The following MYOM3 variants were observed in gnomAD, a reference collection of about 807,000 sequenced individuals.
MYOM3 encodes the protein myomesin 3, also known as myomesin-3.
MYOM3 carries 155 observed loss-of-function variants against 191.7 expected under a neutral mutation model. The ratio of observed to expected loss-of-function variants is 0.81; its 90% confidence interval spans 0.71 to 0.92. The LOEUF is 0.92. Among genes scored for constraint, MYOM3 ranks in the 40% least tolerant of loss-of-function variants. The probability of loss-of-function intolerance (pLI) is 0.00; values close to 1 mark genes in which losing one functional copy is unlikely to be tolerated. For synonymous variants in MYOM3, 757 were observed against 762.9 expected (o/e 0.99, Z 0.13); for missense variants, 1,889 against 1,890.6 (o/e 1.00, Z 0.02).
chr1:24,109,966 G>A (rs1644025214), intron 1 of MYOM3, among the ~76,000 whole-genome samples: 1 of 152,234 alleles, frequency 6.6e-6, no homozygotes, highest in African/African-American at 2.4e-5. Flanking sequence ...CAGTGGGGCC[G>A]GATCAGATTG....
intron 29 of MYOM3, 183 bp from the exon 30 acceptor site, chr1:24,064,342 A>G (rs1643409773): frequency 1.8e-6 from 1 of 555,448 alleles, no homozygotes. Flanking sequence ...GGCTCCTTTC[A>G]GCTCCAGAGC....
At position 24,089,668 on chromosome 1, in the gene MYOM3, G is replaced by C. The variant is rs201671365; in HGVS notation, c.1487-3C>G. The C allele has an allele frequency of 1.9e-6, 3 of 1,577,232 alleles. No individual in the cohort carries two copies. The African/African-American group carries it at 4.0e-5, about 21-fold the overall frequency. On this transcript the variant is annotated splice_region_variant and splice_polypyrimidine_tract_variant and intron_variant, in intron 13 of 36. Coordinates refer to ENST00000374434, the MANE Select transcript of MYOM3 (RefSeq NM_152372.4). Reference sequence around the variant, plus strand: ...CGGTGAGGGGATGGTCACAGTATCTGAAATCAGAGTCACCCGGGACCGAGA... The same window carrying C: ...CGGTGAGGGGATGGTCACAGTATCTCAAATCAGAGTCACCCGGGACCGAGA...
At chr1:24,090,456 C>T (rs537627811) in intron 12 of MYOM3, among the ~76,000 whole-genome samples, 7 of 152,310 alleles carry the variant, frequency 4.6e-5, no homozygotes, top group Non-Finnish European at 7.4e-5. Context: ...GAGGCCGTGT[C>T]CCCGCACTCG....
intron 5 of MYOM3, among the ~76,000 whole-genome samples, chr1:24,103,379 C>T (rs1443467035): frequency 6.6e-6 from 1 of 152,224 alleles, no homozygotes; most frequent in African/African-American, 2.4e-5. Context: ...AGCCCTGAGG[C>T]CAGCTCCCTC....
chr1:24,107,707 C>T (rs1477572445), intron 3 of MYOM3, among the ~76,000 whole-genome samples: 1 of 152,160 alleles, frequency 6.6e-6, no homozygotes, highest in South Asian at 2.1e-4. Flanking sequence ...CATTCTTAGC[C>T]CCCTCCCCCA....
intron 14 of MYOM3, 84 bp downstream of exon 14, chr1:24,089,454 G>A: frequency 2.8e-6 from 4 of 1,450,660 alleles, no homozygotes; most frequent in Non-Finnish European, 2.7e-6. Flanking sequence ...TTCTCTGACG[G>A]CCTCCCCAGG....
intron 35 of MYOM3, among the ~76,000 whole-genome samples, 186 bp from the exon 36 acceptor site, chr1:24,059,165 G>A (rs1046600270): frequency 1.3e-5 from 2 of 151,242 alleles, no homozygotes; most frequent in East Asian, 1.9e-4. Context: ...ACAGGGTCTC[G>A]CTCTGTTGCC....
In MYOM3 at chr1:24,056,055, T is replaced by C. The variant is rs1035761075; in HGVS notation, c.*1309A>G. 8 of 152,226 alleles carry C rather than the reference T, an allele frequency of 5.3e-5. No homozygotes were observed. The East Asian group carries it at 5.8e-4, about 11-fold the overall frequency. The allele number at this position is 152,226 out of a possible 1,614,324, so 9.4% of individuals were successfully genotyped here. A position where few individuals can be genotyped will look rare whatever the true frequency, so the allele number is the denominator to read the frequency against. ...GTGTTACTTTGTGGTGTTGGGAGTA[T>C]AGATTATGTTTATTTTCTCTATAAT... is the stretch of plus-strand genomic sequence containing the variant. On this transcript the variant is annotated 3_prime_UTR_variant, in exon 37 of 37. Coordinates refer to ENST00000374434, the MANE Select transcript of MYOM3 (RefSeq NM_152372.4).
At chr1:24,075,557 G>C in intron 21 of MYOM3, 82 bp from the exon 22 acceptor site, 1 of 1,403,240 alleles carries the variant, frequency 7.1e-7, no homozygotes. Context: ...TAAACCTCCA[G>C]GGCCTGCCTG....
intron 11 of MYOM3, 116 bp from the exon 12 acceptor site, chr1:24,091,112 A>G (rs895407447): frequency 9.1e-6 from 11 of 1,204,346 alleles, no homozygotes; most frequent in African/African-American, 7.7e-5. Flanking sequence ...ATCTCTGCCA[A>G]TTAAAGTTCT....
chr1:24,092,277 G>C lies in MYOM3; in HGVS notation c.1129C>G (p.Leu377Val). Residue 377 changes from leucine to valine, a missense_variant, in exon 11 of 37, where the codon CTG becomes GTG. Transcript: ENST00000374434. ...TTCACATCCAGGCATCGGACGTTCA[G>C]TGGGGAGCCTGGGGCCCCGGGGTTC... ...AENPGAPGSP[L>V]NVRCLDVNRD... is the part of the protein sequence containing the mutation. The C allele has an allele frequency of 7.2e-7, 1 of 1,386,892 alleles. No homozygotes were observed. The highest frequency in any genetic ancestry group is 9.4e-7 in the Non-Finnish European group (1 of 1,060,304). The allele number at this position is 1,386,892 out of a possible 1,614,324, so 85.9% of individuals were successfully genotyped here.
chr1:24,072,070 G>A (rs1460962543), intron 23 of MYOM3, 57 bp from the exon 24 acceptor site: 7 of 1,574,338 alleles, frequency 4.4e-6, no homozygotes, highest in South Asian at 2.2e-5. Context: ...CTGGTCGGGG[G>A]TGGGGGGCCC....
chr1:24,102,614 G>C (rs1322962995), intron 5 of MYOM3, among the ~76,000 whole-genome samples: 1 of 152,208 alleles, frequency 6.6e-6, no homozygotes, highest in African/African-American at 2.4e-5. Flanking sequence ...TTGGGAGACT[G>C]AGATGGGAGG....
chr1:24,107,498 C>A (rs954345162), intron 3 of MYOM3, among the ~76,000 whole-genome samples: 2 of 152,178 alleles, frequency 1.3e-5, no homozygotes, highest in Non-Finnish European at 2.9e-5. Flanking sequence ...AGTGGCCAGG[C>A]CTTAGTGTCC....
Position 24,092,277 on chromosome 1 carries a change from G to T in MYOM3, c.1129C>A (p.Leu377Met), listed in dbSNP as rs778312960. The T allele has an allele frequency of 1.2e-5, 16 of 1,386,776 alleles. No homozygotes were observed. Among genetic ancestry groups the T allele is most frequent in the Admixed American group, 2.8e-5 (1 of 35,818 alleles). 85.9% of individuals were successfully genotyped at this position (1,386,776 alleles called of 1,614,324 possible). Reference protein sequence around the residue: ...AENPGAPGSPLNVRCLDVNRD... With the variant: ...AENPGAPGSPMNVRCLDVNRD... ...TTCACATCCAGGCATCGGACGTTCA[G>T]TGGGGAGCCTGGGGCCCCGGGGTTC... is the stretch of plus-strand genomic sequence containing the variant. The change falls in exon 11 of 37, where the codon CTG becomes ATG. Residue 377 changes from leucine to methionine, a missense_variant. Leu to Met is a conservative substitution (Grantham distance 15, BLOSUM62 2). Coordinates refer to ENST00000374434, the MANE Select transcript of MYOM3 (RefSeq NM_152372.4).
At position 24,063,284 on chromosome 1, in the gene MYOM3, T is replaced by C; in HGVS notation, c.3662-50A>G. ...AATCTTCCCTGAGGCCATTTAGGCA[T>C]CAGATTTTGGGGCCGGCTTGTCTGC... On this transcript the variant is annotated intron_variant, in intron 31 of 36. Coordinates refer to ENST00000374434, the MANE Select transcript of MYOM3 (RefSeq NM_152372.4). This position sits in a 1 kb window ranked among gnomAD's most constrained non-coding sequence, Gnocchi z 4.5. 6.5e-7 allele frequency: 1 copy of C among 1,541,318 alleles called. No individual in the cohort carries two copies. The highest frequency in any genetic ancestry group is 1.1e-5 in the South Asian group (1 of 89,568).
intron 7 of MYOM3, among the ~76,000 whole-genome samples, chr1:24,097,181 G>A (rs1643882945): frequency 6.6e-6 from 1 of 152,224 alleles, no homozygotes; most frequent in Non-Finnish European, 1.5e-5. Flanking sequence ...CAGGTGGGGA[G>A]TTGCTGGGGT....
chr1:24,067,168 G>A, intron 27 of MYOM3, 80 bp from the exon 28 acceptor site: 11 of 1,387,116 alleles, frequency 7.9e-6, no homozygotes, highest in Non-Finnish European at 1.0e-5. Context: ...GCAGTGCTGG[G>A]GGGAGGGACA....
Position 24,099,774 on chromosome 1 carries a change from A to G in MYOM3, c.562T>C (p.Tyr188His). ...QASPPPQVTW[Y>H]KNDTRIDPRL... ...GGATCAATCCGTGTGTCATTTTTGTACCTGTGGGGACATAGCGGTCTGTGG... is the reference window on the plus strand; with the variant it reads ...GGATCAATCCGTGTGTCATTTTTGTGCCTGTGGGGACATAGCGGTCTGTGG... The change falls in exon 6 of 37, where the codon TAC (tyrosine) becomes CAC (histidine). Residue 188 changes from tyrosine (Y) to histidine (H), a missense_variant and splice_region_variant. By Grantham distance (83) the Tyr-to-His change is moderately conservative. Transcript: ENST00000374434. 6.2e-7 allele frequency: 1 copy of G among 1,612,878 alleles called. No individual in the cohort carries two copies. Among genetic ancestry groups the G allele is most frequent in the South Asian group, 1.1e-5 (1 of 91,018 alleles).
Sources: allele counts gnomAD v4.1 joint callset (sites outside exome capture counted in the v4.1 genomes callset), GRCh38; gene constraint gnomAD v4.1.1; non-coding constraint Gnocchi (gnomAD v3.1); transcripts MANE v1.5; gene names NCBI Gene and HGNC (gene_info 2026-07-23, HGNC 2026-07-21).